The following NAV1 variants were observed in gnomAD, a reference collection of about 807,000 sequenced individuals.
NAV1 encodes pore membrane and/or filament interacting like protein 3.
In NAV1, 18 loss-of-function variants were observed where a neutral mutation model predicts 175.2. That is an observed-to-expected ratio of 0.10 (90% CI 0.07 to 0.15). The LOEUF is 0.15. Among genes scored for constraint, NAV1 ranks in the 10% least tolerant of loss-of-function variants. The probability of loss-of-function intolerance (pLI) is 1.00; values close to 1 mark genes in which losing one functional copy is unlikely to be tolerated. For synonymous variants in NAV1, 897 were observed against 978.7 expected, an observed-to-expected ratio of 0.92 and a Z score of 1.56; for missense variants, 1,731 against 2,436.6, an observed-to-expected ratio of 0.71 and a Z score of 6.10.
At chr1:201,651,169 G>A (rs995888966) in intron 1 of NAV1, among the ~76,000 whole-genome samples, 1 of 147,626 alleles carries the variant, frequency 6.8e-6, no homozygotes, top group Non-Finnish European at 1.5e-5. Flanking sequence ...GTCAGACTGA[G>A]AGAGGGACTT....
upstream of NAV1, among the ~76,000 whole-genome samples, chr1:201,647,252 CCAT>C (rs1032350077): frequency 6.6e-6 from 1 of 152,186 alleles, no homozygotes; most frequent in African/African-American, 2.4e-5. Flanking sequence ...GCAGACTACT[CCAT>C]CTGGCTCTTG....
In NAV1 at chr1:201,808,567, C is replaced by T. The variant is rs1678466613; in HGVS notation, c.3995C>T (p.Ala1332Val). Reference sequence around the variant, plus strand: ...ATCCGCTTGGAGGCCCTCAACTCTGCCCACCAACTGGATCAGCTTCGGGAG... The same window carrying T: ...ATCCGCTTGGAGGCCCTCAACTCTGTCCACCAACTGGATCAGCTTCGGGAG... Residue 1332 changes from alanine (A) to valine (V), a missense_variant, in exon 19 of 30, where the codon GCC becomes GTC. Physicochemically the swap from Ala to Val is moderately conservative, Grantham distance 64 (BLOSUM62 0). Coordinates refer to ENST00000367296, the Ensembl canonical transcript of NAV1. The surrounding 1 kb of genome is among the most constrained non-coding windows in gnomAD (Gnocchi z 5.5). 1 of 1,614,136 alleles carries T rather than the reference C, an allele frequency of 6.2e-7. No homozygotes were observed.
chr1:201,589,849 A>G (rs1036998040), intron 2 of NAV1, among the ~76,000 whole-genome samples: 4 of 152,050 alleles, frequency 2.6e-5, no homozygotes, highest in Non-Finnish European at 4.4e-5. Context: ...TATGTTATGT[A>G]GCTTGATTCT....
At chr1:201,614,691 T>C (rs1217392299) in intron 2 of NAV1, among the ~76,000 whole-genome samples, 3 of 152,180 alleles carry the variant, frequency 2.0e-5, no homozygotes, top group Non-Finnish European at 4.4e-5. Context: ...GCTGAAAGGC[T>C]GGAAGATTGG....
chr1:201,819,899 C>T (rs755449181), exon 30 of NAV1: 5 of 1,614,162 alleles, frequency 3.1e-6, no homozygotes, highest in Non-Finnish European at 4.2e-6. Flanking sequence ...ATCGAGAAAC[C>T]ATCCTGGACC....
At chr1:201,624,567 C>T (rs188923338) in intron 1 of NAV1, among the ~76,000 whole-genome samples, 5 of 151,818 alleles carry the variant, frequency 3.3e-5, no homozygotes, top group Admixed American at 1.3e-4. Context: ...AGCATGGTCT[C>T]GATCTCCTGA....
chr1:201,788,600 T>TG lies in NAV1; in HGVS notation c.3129dup (p.Ile1044AspfsTer32). ...TCCCTGGCCGAGAGACCCAAGGGAA[T>TG]GATTCGGTCAGGATCCTTCCGAGAC... is the stretch of plus-strand genomic sequence containing the variant. On this transcript the variant is annotated frameshift_variant, in exon 10 of 30. Coordinates refer to ENST00000367296, the Ensembl canonical transcript of NAV1. LOFTEE classifies it high-confidence loss of function. This position sits in a 1 kb window ranked among gnomAD's most constrained non-coding sequence, Gnocchi z 5.7. 1 of 1,614,046 alleles carries TG rather than the reference T, an allele frequency of 6.2e-7. No homozygotes were observed. The highest frequency in any genetic ancestry group is 8.5e-7 in the Non-Finnish European group (1 of 1,179,974).
At position 201,808,847 on chromosome 1, in the gene NAV1, T is replaced by C. The variant is rs755101252; in HGVS notation, c.4183T>C (p.Phe1395Leu). ...CCTAGGCCTGGCACTCACCCATTCC[T>C]TCGGCCCCAGTCTTGCAGACACAGG... Residue 1395 changes from phenylalanine to leucine, a missense_variant, in exon 20 of 30, where the codon TTC (phenylalanine) becomes CTC (leucine). Coordinates refer to ENST00000367296, the Ensembl canonical transcript of NAV1. The surrounding 1 kb of genome is among the most constrained non-coding windows in gnomAD (Gnocchi z 5.5). 2 of 1,612,872 alleles carry C rather than the reference T, an allele frequency of 1.2e-6. No homozygotes were observed. The highest frequency in any genetic ancestry group is 2.2e-5 in the South Asian group (2 of 91,060).
rs117341771 is a variant in NAV1, at chr1:201,769,673, A to G, written c.1227-10748A>G. ...GATAAAGTTAGTTATTCTCTTTCCT[A>G]TATGAGGAAGCAAGAAGTCCTAGGT... On this transcript the variant is annotated intron_variant, in intron 3 of 29. Coordinates refer to ENST00000367296, the Ensembl canonical transcript of NAV1. Among the ~76,000 whole-genome samples the G allele has an allele frequency of 7.9e-5, 12 of 152,292 alleles. No homozygotes were observed. The East Asian group carries it at 1.4e-3, about 17-fold the overall frequency.
At chr1:201,669,506 G>T (rs1669953379) in intron 1 of NAV1, among the ~76,000 whole-genome samples, 1 of 152,214 alleles carries the variant, frequency 6.6e-6, no homozygotes, top group East Asian at 1.9e-4. Flanking sequence ...GGGTGGGCTG[G>T]GCCAAACAGG....
intron 1 of NAV1, among the ~76,000 whole-genome samples, chr1:201,575,700 G>A (rs16849026): frequency 0.013 from 1,939 of 152,188 alleles, 42 homozygotes; most frequent in African/African-American, 0.045. Context: ...GAGTGGTGAC[G>A]TAACAACATC....
intron 15 of NAV1, 192 bp downstream of exon 19, chr1:201,794,769 G>T (rs981162560): frequency 2.5e-5 from 15 of 601,300 alleles, no homozygotes; most frequent in Non-Finnish European, 4.5e-5. Context: ...CAGCTTCCTA[G>T]GGCATGAAGG....
chr1:201,549,121 TTCTTTC>T (rs1255778952), intron 1 of NAV1, among the ~76,000 whole-genome samples: 1 of 150,636 alleles, frequency 6.6e-6, no homozygotes, highest in South Asian at 2.1e-4. Context: ...CTTTCTTTCT[TTCTTTC>T]TTTCTTTCTT....
chr1:201,795,442 C>T (rs1677380002), intron 15 of NAV1: 1 of 152,166 alleles, frequency 6.6e-6, no homozygotes, highest in East Asian at 1.9e-4. Flanking sequence ...ATACAACCCC[C>T]CTTTACCCAA....
chr1:201,702,469 C>T (rs1671467282), intron 1 of NAV1, among the ~76,000 whole-genome samples: 1 of 152,052 alleles, frequency 6.6e-6, no homozygotes, highest in Non-Finnish European at 1.5e-5. Context: ...CAGGTTCAAG[C>T]GATTTTCCTG....
At chr1:201,627,397 C>T (rs927159760) in intron 1 of NAV1, among the ~76,000 whole-genome samples, 5 of 152,046 alleles carry the variant, frequency 3.3e-5, no homozygotes, top group East Asian at 1.9e-4. Context: ...CTCAGCCTCC[C>T]GAGTAGCTGA....
intron 1 of NAV1, among the ~76,000 whole-genome samples, chr1:201,703,785 T>C (rs1671546399): frequency 6.6e-6 from 1 of 152,158 alleles, no homozygotes; most frequent in Admixed American, 6.5e-5. Context: ...CTGTGGTCAC[T>C]GCCTGCCCTC....
intron 2 of NAV1, among the ~76,000 whole-genome samples, chr1:201,633,872 G>A (rs766067234): frequency 3.9e-5 from 6 of 152,212 alleles, no homozygotes; most frequent in Non-Finnish European, 7.3e-5. Flanking sequence ...AGGTGGCTTG[G>A]GAGTGCGAGG....
chr1:201,551,130 G>A (rs1464080708), intron 1 of NAV1, among the ~76,000 whole-genome samples: 1 of 152,172 alleles, frequency 6.6e-6, no homozygotes, highest in African/African-American at 2.4e-5. Context: ...ATAACTTTAG[G>A]GAATGAGTTG....
Sources: allele counts gnomAD v4.1 joint callset (sites outside exome capture counted in the v4.1 genomes callset), GRCh38; gene constraint gnomAD v4.1.1; non-coding constraint Gnocchi (gnomAD v3.1); transcripts MANE v1.5; gene names NCBI Gene and HGNC (gene_info 2026-07-23, HGNC 2026-07-21).